Variants in PRDM5 observed in about 807,000 individuals in gnomAD.
PRDM5 encodes the protein PR/SET domain 5.
A neutral mutation model predicts 81.2 loss-of-function variants in PRDM5; 56 were observed. That is an observed-to-expected ratio of 0.69 (90% CI 0.56 to 0.86). PRDM5 has a LOEUF of 0.86. PRDM5 is among the 40% of genes least tolerant of loss of function. PRDM5 has a pLI of 0.00. For synonymous variants in PRDM5, 267 were observed against 256.4 expected, an observed-to-expected ratio of 1.04 and a Z score of -0.39; for missense variants, 697 against 770.1, an observed-to-expected ratio of 0.91 and a Z score of 1.12.
intron 3 of PRDM5, among the ~76,000 whole-genome samples, chr4:120,840,742 C>T (rs1303736932): frequency 1.3e-5 from 2 of 152,206 alleles, no homozygotes; most frequent in Non-Finnish European, 2.9e-5. Flanking sequence ...GACAGGCGAC[C>T]CAGCCCGGAC....
intron 8 of PRDM5, among the ~76,000 whole-genome samples, chr4:120,809,925 G>A (rs1022175108): frequency 6.6e-6 from 1 of 151,968 alleles, no homozygotes; most frequent in Admixed American, 6.6e-5. Flanking sequence ...TCACATAGGA[G>A]TGTCTGATGC....
chr4:120,716,851 T>C (rs1737829120), intron 14 of PRDM5, among the ~76,000 whole-genome samples: 1 of 152,064 alleles, frequency 6.6e-6, no homozygotes, highest in Admixed American at 6.6e-5. Flanking sequence ...TAAACCAAAA[T>C]AGAAGAAAAT....
At chr4:120,716,334 G>C (rs556528084) in intron 14 of PRDM5, among the ~76,000 whole-genome samples, 13 of 152,260 alleles carry the variant, frequency 8.5e-5, no homozygotes, top group African/African-American at 3.1e-4. Flanking sequence ...TGTAGTGTTA[G>C]AAAGGTTCTT....
intron 4 of PRDM5, among the ~76,000 whole-genome samples, chr4:120,820,145 G>A (rs1755072598): frequency 6.6e-6 from 1 of 152,224 alleles, no homozygotes; most frequent in African/African-American, 2.4e-5. Context: ...TAAGAGGTGG[G>A]CCCTTTAGGA....
rs1364213324 is a variant in PRDM5, at chr4:120,694,125, G to T, written c.*986C>A. 1 of 152,068 alleles carries T rather than the reference G, an allele frequency of 6.6e-6. No homozygotes were observed. Among genetic ancestry groups the T allele is most frequent in the Admixed American group, 6.6e-5 (1 of 15,234 alleles). 9.4% of individuals were successfully genotyped at this position (152,068 alleles called of 1,614,324 possible). A position where few individuals can be genotyped will look rare whatever the true frequency, so the allele number is the denominator to read the frequency against. ...GAAAATGTCTTTTGCAAAATGGAAT[G>T]TTAATGTTCTGAGGACTGTATCTGC... is the stretch of plus-strand genomic sequence containing the variant. On this transcript the variant is annotated 3_prime_UTR_variant, in exon 16 of 16. Transcript: ENST00000264808.
At chr4:120,819,139 G>A (rs1382741707) in intron 4 of PRDM5, among the ~76,000 whole-genome samples, 1 of 152,324 alleles carries the variant, frequency 6.6e-6, no homozygotes, top group African/African-American at 2.4e-5. Flanking sequence ...CCATCAGGAA[G>A]AGACAACTGT....
At chr4:120,885,182 G>A (rs1363138820) in intron 2 of PRDM5, among the ~76,000 whole-genome samples, 5 of 124,706 alleles carry the variant, frequency 4.0e-5, no homozygotes, top group South Asian at 2.4e-4. Flanking sequence ...AAAGACATAC[G>A]ACACATTACC....
At chr4:120,895,054 G>A (rs1339464412) in intron 2 of PRDM5, among the ~76,000 whole-genome samples, 2 of 152,146 alleles carry the variant, frequency 1.3e-5, no homozygotes, top group Non-Finnish European at 2.9e-5. Flanking sequence ...GAAAGTGCAT[G>A]TACATGATAA....
intron 14 of PRDM5, among the ~76,000 whole-genome samples, chr4:120,744,141 C>T (rs917366191): frequency 2.6e-5 from 4 of 152,080 alleles, no homozygotes; most frequent in Non-Finnish European, 5.9e-5. Flanking sequence ...CAAAACCGCT[C>T]AACTACATGG....
chr4:120,768,803 A>G (rs1017969067), intron 13 of PRDM5, among the ~76,000 whole-genome samples: 1 of 152,232 alleles, frequency 6.6e-6, no homozygotes, highest in Non-Finnish European at 1.5e-5. Flanking sequence ...GTGCTGGTTG[A>G]CCACATGTTG....
chr4:120,782,209 TATAA>T (rs1561212351), intron 11 of PRDM5, among the ~76,000 whole-genome samples: 1 of 152,188 alleles, frequency 6.6e-6, no homozygotes, highest in Non-Finnish European at 1.5e-5. Context: ...TATGTGACTA[TATAA>T]ATAAGACAGA....
intron 13 of PRDM5, among the ~76,000 whole-genome samples, chr4:120,774,503 C>G (rs1747761021): frequency 6.6e-6 from 1 of 152,230 alleles, no homozygotes; most frequent in Non-Finnish European, 1.5e-5. Flanking sequence ...GATTACTGAA[C>G]CAGGCTGTAG....
chr4:120,705,260 A>G (rs1205783588), intron 15 of PRDM5, among the ~76,000 whole-genome samples: 1 of 152,208 alleles, frequency 6.6e-6, no homozygotes, highest in Non-Finnish European at 1.5e-5. Context: ...AGGCTTGAGG[A>G]TCCAACAATA....
chr4:120,884,672 A>C (rs1763208353), intron 2 of PRDM5, among the ~76,000 whole-genome samples: 1 of 152,182 alleles, frequency 6.6e-6, no homozygotes, highest in African/African-American at 2.4e-5. Context: ...AAAAATAACA[A>C]ATGTGTTCAT....
chr4:120,754,528 T>C, intron 14 of PRDM5, 25 bp downstream of exon 14: 1 of 1,466,934 alleles, frequency 6.8e-7, no homozygotes, highest in Non-Finnish European at 9.5e-7. Flanking sequence ...ATGATCAATA[T>C]TAATGAAACA....
At chr4:120,820,333 G>C (rs1755098428) in intron 4 of PRDM5, among the ~76,000 whole-genome samples, 1 of 152,166 alleles carries the variant, frequency 6.6e-6, no homozygotes, top group Non-Finnish European at 1.5e-5. Context: ...AGACTTCCTA[G>C]GCTCCAGAAA....
intron 3 of PRDM5, among the ~76,000 whole-genome samples, chr4:120,827,166 G>A (rs917318741): frequency 3.3e-5 from 5 of 152,156 alleles, no homozygotes; most frequent in African/African-American, 1.2e-4. Flanking sequence ...GAAGAGAGTA[G>A]AATTTTGCTT....
At chr4:120,829,863 A>G (rs558506680) in intron 3 of PRDM5, among the ~76,000 whole-genome samples, 4 of 151,582 alleles carry the variant, frequency 2.6e-5, no homozygotes, top group Non-Finnish European at 4.4e-5. Flanking sequence ...AGTGTAGAGG[A>G]AAAAAAAAGT....
chr4:120,886,548 G>A (rs1055874325), intron 2 of PRDM5, among the ~76,000 whole-genome samples: 21 of 152,114 alleles, frequency 1.4e-4, no homozygotes, highest in African/African-American at 4.6e-4. Flanking sequence ...AAGTAGGCAA[G>A]GCTCAGAGAA....
Sources: allele counts gnomAD v4.1 joint callset (sites outside exome capture counted in the v4.1 genomes callset), GRCh38; gene constraint gnomAD v4.1.1; transcripts MANE v1.5; gene names NCBI Gene and HGNC (gene_info 2026-07-23, HGNC 2026-07-21).